ZNF470: variants seen among roughly 807,000 people sequenced by gnomAD.
ZNF470 encodes zinc finger protein 470.
A neutral mutation model predicts 13.9 loss-of-function variants in ZNF470; 13 were observed. That is an observed-to-expected ratio of 0.94 (90% CI 0.61 to 1.49). ZNF470 has a LOEUF of 1.49. Among genes scored for constraint, ZNF470 ranks in the 40% most tolerant of loss-of-function variants. ZNF470 has a pLI of 0.00. For missense variants in ZNF470, 929 were observed against 857.3 expected, an observed-to-expected ratio of 1.08 and a Z score of -1.04; for synonymous variants, 293 against 282.9, an observed-to-expected ratio of 1.04 and a Z score of -0.36.
chr19:56,574,082 G>A (rs535358853), intron 3 of ZNF470: 57 of 416,314 alleles, frequency 1.4e-4, no homozygotes, highest in East Asian at 8.0e-4. Context: ...ATAGCATTGC[G>A]TTAGCACTTG....
intron 5 of ZNF470, among the ~76,000 whole-genome samples, chr19:56,575,103 C>G (rs1051509164): frequency 2.0e-5 from 3 of 152,060 alleles, no homozygotes; most frequent in Admixed American, 6.5e-5. Flanking sequence ...ATTGAGTTAA[C>G]ATGTATTACA....
chr19:56,581,525 T>A lies in ZNF470; in HGVS notation c.*2942T>A, dbSNP rs1016510693. The A allele has an allele frequency of 1.1e-5, 9 of 821,222 alleles. No homozygotes were observed. The highest frequency in any genetic ancestry group is 1.2e-4 in the East Asian group (1 of 8,040). 50.9% of individuals were successfully genotyped at this position (821,222 alleles called of 1,614,324 possible). A position where few individuals can be genotyped will look rare whatever the true frequency, so the allele number is the denominator to read the frequency against. ...GTGTCCATCAGGGTAATAAATAAAT[T>A]AATTATGGTATATATCCATTCAATA... On this transcript the variant is annotated 3_prime_UTR_variant, in exon 6 of 6. Coordinates refer to ENST00000330619, the MANE Select transcript of ZNF470 (RefSeq NM_001001668.4).
chr19:56,567,538 C>T lies in ZNF470; in HGVS notation c.-659C>T, dbSNP rs984499334. The T allele has an allele frequency of 7.1e-6, 7 of 986,168 alleles. No individual in the cohort carries two copies. Among genetic ancestry groups the T allele is most frequent in the African/African-American group, 1.7e-5 (1 of 57,238 alleles). The allele number at this position is 986,168 out of a possible 1,614,324, so 61.1% of individuals were successfully genotyped here. A position where few individuals can be genotyped will look rare whatever the true frequency, so the allele number is the denominator to read the frequency against. On this transcript the variant is annotated 5_prime_UTR_variant, in exon 1 of 6. Coordinates refer to ENST00000330619, the MANE Select transcript of ZNF470 (RefSeq NM_001001668.4). The stretch of plus-strand genomic sequence containing the variant: ...TTGCTGAGGAGAAGGGAGGTCTGGG[C>T]GGGGCAGCGGCCGAGGCTGGACTGG...
At chr19:56,569,359 C>T (rs1275919028) in intron 2 of ZNF470, among the ~76,000 whole-genome samples, 1 of 152,090 alleles carries the variant, frequency 6.6e-6, no homozygotes, top group Non-Finnish European at 1.5e-5. Context: ...TCTGTTGTAA[C>T]GAAAGGAATG....
rs2044537313 is a variant in ZNF470, at chr19:56,581,712, C to T, written c.*3129C>T. 6 of 985,196 alleles carry T rather than the reference C, an allele frequency of 6.1e-6. No homozygotes were observed. The African/African-American group carries it at 7.0e-5, about 11-fold the overall frequency. 61.0% of individuals were successfully genotyped at this position (985,196 alleles called of 1,614,324 possible). Reference sequence around the variant, plus strand: ...TATATTATAGTAGGCATTTGTTTTTCTCTGCCCAGTTTCCCTTGCCTCCTC... The same window carrying T: ...TATATTATAGTAGGCATTTGTTTTTTTCTGCCCAGTTTCCCTTGCCTCCTC... On this transcript the variant is annotated 3_prime_UTR_variant, in exon 6 of 6. Transcript: ENST00000330619.
intron 3 of ZNF470, among the ~76,000 whole-genome samples, chr19:56,571,267 A>G (rs1431091288): frequency 1.3e-5 from 2 of 152,120 alleles, no homozygotes; most frequent in African/African-American, 4.8e-5. Context: ...TCCGTAGGTA[A>G]ATTGTTGACA....
chr19:56,568,187 G>T, intron 1 of ZNF470, 149 bp downstream of exon 1: 4 of 895,174 alleles, frequency 4.5e-6, no homozygotes, highest in Non-Finnish European at 4.0e-6. Flanking sequence ...GTCACCTTGG[G>T]TCAGAGTGGA....
rs778076813 is a variant in ZNF470, at chr19:56,580,333, A to T, written c.*1750A>T. Reference sequence around the variant, plus strand: ...GTTATGTTCACTCATATAAATGTTGATTTAGAAGCTGGTGGAAGGGTATTT... The same window carrying T: ...GTTATGTTCACTCATATAAATGTTGTTTTAGAAGCTGGTGGAAGGGTATTT... On this transcript the variant is annotated 3_prime_UTR_variant, in exon 6 of 6. Transcript: ENST00000330619. The T allele has an allele frequency of 3.8e-5, 9 of 235,346 alleles. No individual in the cohort carries two copies. Among genetic ancestry groups the T allele is most frequent in the Non-Finnish European group, 4.8e-5 (7 of 144,778 alleles). 14.6% of individuals were successfully genotyped at this position (235,346 alleles called of 1,614,324 possible).
At position 56,577,365 on chromosome 19, in the gene ZNF470, TCAGTGTAAG is replaced by T; in HGVS notation, c.945_953del (p.Lys315_Cys317del). 2 of 1,613,326 alleles carry T rather than the reference TCAGTGTAAG, an allele frequency of 1.2e-6. No individual in the cohort carries two copies. Among genetic ancestry groups the T allele is most frequent in the East Asian group, 4.5e-5 (2 of 44,838 alleles). ...GAGTTCATACTGGAGAGAAACCTTA[TCAGTGTAAG>T]CAGTGTAATAAAGCATTCAGCCAGC... is the stretch of plus-strand genomic sequence containing the variant. On this transcript the variant is annotated inframe_deletion, in exon 6 of 6. Coordinates refer to ENST00000330619, the MANE Select transcript of ZNF470 (RefSeq NM_001001668.4).
chr19:56,568,694 T>G (rs12981572), intron 1 of ZNF470, 64 bp from the exon 2 acceptor site: 62,893 of 152,096 alleles, frequency 0.41, 13,928 homozygotes, highest in African/African-American at 0.59. Flanking sequence ...TAAGACCTTT[T>G]GGGAGTATCA....
Position 56,580,190 on chromosome 19 carries a change from ACT to A in ZNF470, c.*1608_*1609del. ...GAGGATGAGGGAAGAACTAGAGGTAACTGTGAGACACAAAAGGCATAATGAAA... is the reference window on the plus strand; with the variant it reads ...GAGGATGAGGGAAGAACTAGAGGTAAGTGAGACACAAAAGGCATAATGAAA... On this transcript the variant is annotated 3_prime_UTR_variant, in exon 6 of 6. Coordinates refer to ENST00000330619, the MANE Select transcript of ZNF470 (RefSeq NM_001001668.4). 1 of 959,842 alleles carries A rather than the reference ACT, an allele frequency of 1.0e-6. No individual in the cohort carries two copies. The highest frequency in any genetic ancestry group is 2.2e-5 in the African/African-American group (1 of 44,588). 59.5% of individuals were successfully genotyped at this position (959,842 alleles called of 1,614,324 possible).
Position 56,580,801 on chromosome 19 carries a change from G to A in ZNF470, c.*2218G>A. ...GGGTAGTCTCACCAGAGAATGTGGA[G>A]CTTTCAGACTCTCCTTATATATGAT... On this transcript the variant is annotated 3_prime_UTR_variant, in exon 6 of 6. Transcript: ENST00000330619. The A allele has an allele frequency of 1.0e-6, 1 of 978,360 alleles. No homozygotes were observed. The highest frequency in any genetic ancestry group is 1.8e-5 in the African/African-American group (1 of 57,100). 60.6% of individuals were successfully genotyped at this position (978,360 alleles called of 1,614,324 possible).
At position 56,578,083 on chromosome 19, in the gene ZNF470, C is replaced by G; in HGVS notation, c.1654C>G (p.Leu552Val). ...TAAGGCCTTCAGTCAGATTGCACAC[C>G]TTGTTCAGCACCAGAGAGTTCATAC... is the stretch of plus-strand genomic sequence containing the variant. ...CGKAFSQIAH[L>V]VQHQRVHTGE... Residue 552 changes from leucine (L) to valine (V), a missense_variant, in exon 6 of 6, where the codon CTT (leucine) becomes GTT (valine). Coordinates refer to ENST00000330619, the MANE Select transcript of ZNF470 (RefSeq NM_001001668.4). The G allele has an allele frequency of 6.2e-7, 1 of 1,613,960 alleles. No homozygotes were observed. The highest frequency in any genetic ancestry group is 8.5e-7 in the Non-Finnish European group (1 of 1,179,964).
In ZNF470 at chr19:56,568,744, C is replaced by T. The variant is rs975499443; in HGVS notation, c.-158-14C>T. 3 of 152,142 alleles carry T rather than the reference C, an allele frequency of 2.0e-5. No homozygotes were observed. The highest frequency in any genetic ancestry group is 4.8e-5 in the African/African-American group (2 of 41,402). 9.4% of individuals were successfully genotyped at this position (152,142 alleles called of 1,614,324 possible). On this transcript the variant is annotated splice_polypyrimidine_tract_variant and intron_variant, in intron 1 of 5. Transcript: ENST00000330619. ...AACATTATGAAGTAGGAACTACTTA[C>T]CTCTTTTTTACAGATGAAGACACAG...
At position 56,579,136 on chromosome 19, in the gene ZNF470, T is replaced by G; in HGVS notation, c.*553T>G. On this transcript the variant is annotated 3_prime_UTR_variant, in exon 6 of 6. Transcript: ENST00000330619. ...AGAATCAGCCAATTAGAACAAAAGCTTTTAGCTGGGTGCGGTGGCTCATGC... is the reference window on the plus strand; with the variant it reads ...AGAATCAGCCAATTAGAACAAAAGCGTTTAGCTGGGTGCGGTGGCTCATGC... 1 of 985,450 alleles carries G rather than the reference T, an allele frequency of 1.0e-6. No individual in the cohort carries two copies. The highest frequency in any genetic ancestry group is 1.2e-6 in the Non-Finnish European group (1 of 829,960). The allele number at this position is 985,450 out of a possible 1,614,324, so 61.0% of individuals were successfully genotyped here.
chr19:56,582,615 CTG>C lies in ZNF470; in HGVS notation c.*4034_*4035del. ...GTTGAAGTCCTAAACCCCAACATGA[CTG>C]TATTTGGACATAAGGCCTTTAAGAA... is the stretch of plus-strand genomic sequence containing the variant. On this transcript the variant is annotated 3_prime_UTR_variant, in exon 6 of 6. Coordinates refer to ENST00000330619, the MANE Select transcript of ZNF470 (RefSeq NM_001001668.4). 1.0e-6 allele frequency: 1 copy of C among 976,574 alleles called. No homozygotes were observed. The highest frequency in any genetic ancestry group is 1.2e-6 in the Non-Finnish European group (1 of 821,820). The allele number at this position is 976,574 out of a possible 1,614,324, so 60.5% of individuals were successfully genotyped here. A position where few individuals can be genotyped will look rare whatever the true frequency, so the allele number is the denominator to read the frequency against.
intron 3 of ZNF470, chr19:56,573,885 G>C (rs928048493): frequency 8.2e-6 from 6 of 733,726 alleles, no homozygotes; most frequent in Non-Finnish European, 1.0e-5. Flanking sequence ...ACTATAGCTA[G>C]GTGTTTTTTT....
Position 56,576,879 on chromosome 19 carries a change from A to T in ZNF470, c.450A>T (p.Val150=). The change falls in exon 6 of 6, where the codon GTA becomes GTT. Residue 150 remains valine (V), a synonymous_variant. Coordinates refer to ENST00000330619, the MANE Select transcript of ZNF470 (RefSeq NM_001001668.4). ...AAGACTTGTTTGAGAGGGAGCTTGT[A>T]AACCAGAAGACACATTTTAGGCAAG... ...KCEDLFEREL[V]NQKTHFRQET... is the part of the protein sequence containing the mutation. 1 of 1,584,544 alleles carries T rather than the reference A, an allele frequency of 6.3e-7. No homozygotes were observed. Among genetic ancestry groups the T allele is most frequent in the Non-Finnish European group, 8.5e-7 (1 of 1,170,672 alleles).
At chr19:56,569,724 G>A (rs1186129917) in intron 2 of ZNF470, among the ~76,000 whole-genome samples, 2 of 152,024 alleles carry the variant, frequency 1.3e-5, no homozygotes, top group African/African-American at 4.8e-5. Context: ...GATTGCTTGA[G>A]GCCAGGAGGT....
Sources: allele counts gnomAD v4.1 joint callset (sites outside exome capture counted in the v4.1 genomes callset), GRCh38; gene constraint gnomAD v4.1.1; transcripts MANE v1.5; gene names NCBI Gene and HGNC (gene_info 2026-07-23, HGNC 2026-07-21).